The following ERC1 variants were observed in gnomAD, a reference collection of about 807,000 sequenced individuals.
The protein encoded by ERC1 is RAB6 interacting protein 2.
In ERC1, 56 loss-of-function variants were observed where a neutral mutation model predicts 132.0. The observed-to-expected ratio is 0.42, with a 90% CI of 0.34 to 0.53. The LOEUF is 0.53. Among genes scored for constraint, ERC1 ranks in the 20% least tolerant of loss-of-function variants. The pLI, the probability that ERC1 is intolerant of heterozygous loss-of-function variation, is 0.03. For missense variants in ERC1, 1,202 were observed against 1,349.9 expected (o/e 0.89, Z 1.72); for synonymous variants, 478 against 476.1 (o/e 1.00, Z -0.05).
At chr12:1,201,809 G>A (rs1198935440) in intron 12 of ERC1, among the ~76,000 whole-genome samples, 1 of 152,184 alleles carries the variant, frequency 6.6e-6, no homozygotes, top group East Asian at 1.9e-4. Context: ...TGAGGAAAGT[G>A]TCTCTTTAGA....
chr12:1,420,893 TTTTG>T lies in ERC1; in HGVS notation c.3024+12659_3024+12662del, dbSNP rs369994875. 1.9e-3 allele frequency among the ~76,000 whole-genome samples: 271 copies of T among 139,406 alleles called. 3 individuals are homozygous for T. The highest frequency in any genetic ancestry group is 6.7e-3 in the African/African-American group (254 of 37,912). The allele number at this position is 139,406 out of a possible 152,430, so 91.5% of individuals were successfully genotyped here. A position where few individuals can be genotyped will look rare whatever the true frequency, so the allele number is the denominator to read the frequency against. Reference sequence around the variant, plus strand: ...TGGTTTACTTCCCCAAGCCCAGTATTTTTGTTTGTTTGTTTGGTTTTGGTTTGGG... The same window carrying T: ...TGGTTTACTTCCCCAAGCCCAGTATTTTTGTTTGTTTGGTTTTGGTTTGGG... On this transcript the variant is annotated intron_variant, in intron 17 of 18. Transcript: ENST00000360905.
rs573976285 is a variant in ERC1 at position 1,062,662 on chromosome 12, A to T, written c.670-20502A>T. Among the ~76,000 whole-genome samples the T allele has an allele frequency of 3.9e-5, 6 of 152,288 alleles. No individual in the cohort carries two copies. The South Asian group carries it at 1.0e-3, about 26-fold the overall frequency. ...ATCCTAGAGAATGTTCCATGTGCTG[A>T]TGAGGAGAATGTATATTCTGTAGCT... On this transcript the variant is annotated intron_variant, in intron 2 of 18. Transcript: ENST00000360905.
intron 15 of ERC1, among the ~76,000 whole-genome samples, chr12:1,339,070 A>G: frequency 6.6e-6 from 1 of 152,218 alleles, no homozygotes; most frequent in Non-Finnish European, 1.5e-5. Context: ...ACGCTGGACA[A>G]CTGTGACAGG....
chr12:1,439,222 G>A (rs118141635), intron 17 of ERC1, among the ~76,000 whole-genome samples: 4,006 of 152,224 alleles, frequency 0.026, 81 homozygotes, highest in Non-Finnish European at 0.041. Context: ...AGTGTGTTTG[G>A]ATCTCATAGA....
chr12:1,116,057 G>A (rs371877727), intron 7 of ERC1, 24 bp downstream of exon 7: 102 of 1,591,862 alleles, frequency 6.4e-5, no homozygotes, highest in Non-Finnish European at 8.1e-5. Flanking sequence ...TGGGATTTGT[G>A]GGGAGTTGGT....
At chr12:1,393,332 C>T (rs1001701900) in intron 16 of ERC1, among the ~76,000 whole-genome samples, 8 of 152,150 alleles carry the variant, frequency 5.3e-5, no homozygotes, top group African/African-American at 1.2e-4. Flanking sequence ...GAGTTAGTGA[C>T]GAGCCTGAGC....
chr12:1,454,142 C>A (rs1249475882), intron 18 of ERC1, among the ~76,000 whole-genome samples: 1 of 152,046 alleles, frequency 6.6e-6, no homozygotes, highest in Admixed American at 6.5e-5. Context: ...AATGAATCTT[C>A]CGTAACACTC....
At chr12:1,313,900 C>G (rs183250878) in intron 15 of ERC1, among the ~76,000 whole-genome samples, 6 of 152,226 alleles carry the variant, frequency 3.9e-5, no homozygotes, top group Admixed American at 3.9e-4. Context: ...AGGAGAATTG[C>G]TTGAACCTGG....
At chr12:1,231,000 A>T (rs2074988409) in intron 12 of ERC1, among the ~76,000 whole-genome samples, 3 of 152,156 alleles carry the variant, frequency 2.0e-5, no homozygotes, top group South Asian at 2.1e-4. Context: ...TTGGATACTT[A>T]AAAAAGTCTG....
At chr12:1,303,491 T>C (rs1001381333) in intron 15 of ERC1, among the ~76,000 whole-genome samples, 1 of 151,424 alleles carries the variant, frequency 6.6e-6, no homozygotes, top group Non-Finnish European at 1.5e-5. Flanking sequence ...AAAAAAAAAT[T>C]AGCTGGGTGT....
At chr12:1,218,399 T>TA in intron 12 of ERC1, among the ~76,000 whole-genome samples, 1 of 152,060 alleles carries the variant, frequency 6.6e-6, no homozygotes, top group Non-Finnish European at 1.5e-5. Flanking sequence ...CTTAATGTCT[T>TA]AAAAAAAATC....
chr12:1,360,080 C>T (rs779609062), intron 15 of ERC1, among the ~76,000 whole-genome samples: 2 of 152,158 alleles, frequency 1.3e-5, no homozygotes, highest in African/African-American at 2.4e-5. Context: ...GTACTCCCTT[C>T]TCCTCTGGCA....
chr12:1,137,180 C>T lies in ERC1; in HGVS notation c.1570-4440C>T, dbSNP rs140207673. Among the ~76,000 whole-genome samples the T allele has an allele frequency of 5.1e-3, 759 of 148,316 alleles. 4 individuals carry two copies. In the Middle Eastern group the frequency reaches 0.063, roughly 12 times the overall value. On this transcript the variant is annotated intron_variant, in intron 7 of 18. Coordinates refer to ENST00000360905, the MANE Select transcript of ERC1 (RefSeq NM_178040.4). Reference sequence around the variant, plus strand: ...GTGGCACCATCTCGGCTCGCTGCAACCTCCGAATCCCTGGTTCAAGCAATT... The same window carrying T: ...GTGGCACCATCTCGGCTCGCTGCAATCTCCGAATCCCTGGTTCAAGCAATT...
intron 7 of ERC1, among the ~76,000 whole-genome samples, chr12:1,141,415 A>G (rs979387224): frequency 1.3e-5 from 2 of 152,202 alleles, no homozygotes; most frequent in Non-Finnish European, 2.9e-5. Flanking sequence ...ATGTGCATGA[A>G]GTTTGAGAAA....
chr12:1,302,221 A>C (rs891727615), intron 15 of ERC1, among the ~76,000 whole-genome samples: 14 of 152,226 alleles, frequency 9.2e-5, no homozygotes, highest in African/African-American at 2.9e-4. Context: ...AATTAAACTC[A>C]CTACCTGAAC....
intron 16 of ERC1, among the ~76,000 whole-genome samples, chr12:1,385,293 C>CT (rs2089191284): frequency 1.3e-5 from 2 of 148,756 alleles, no homozygotes; most frequent in Admixed American, 6.6e-5. Context: ...TTTTTTTTTT[C>CT]TTTTTTTGAG....
intron 12 of ERC1, among the ~76,000 whole-genome samples, chr12:1,197,612 T>C (rs1304522353): frequency 6.6e-6 from 1 of 152,246 alleles, no homozygotes; most frequent in African/African-American, 2.4e-5. Flanking sequence ...TGCTTTTTAA[T>C]GCTTCTCTCA....
At chr12:1,357,577 A>T (rs1480931990) in intron 15 of ERC1, among the ~76,000 whole-genome samples, 1 of 152,206 alleles carries the variant, frequency 6.6e-6, no homozygotes, top group Non-Finnish European at 1.5e-5. Context: ...GACAAGATAA[A>T]TGGTGTAGTC....
chr12:1,259,586 T>C (rs2077022210), intron 13 of ERC1, among the ~76,000 whole-genome samples: 1 of 145,196 alleles, frequency 6.9e-6, no homozygotes, highest in Admixed American at 7.1e-5. Context: ...TGCAATGGCA[T>C]GATCTTGGCT....
Sources: allele counts gnomAD v4.1 joint callset (sites outside exome capture counted in the v4.1 genomes callset), GRCh38; gene constraint gnomAD v4.1.1; transcripts MANE v1.5; gene names NCBI Gene and HGNC (gene_info 2026-07-23, HGNC 2026-07-21).